Variants in CHD7 observed in about 807,000 individuals in gnomAD.
CHD7 encodes the protein chromodomain helicase DNA binding protein 7.
A neutral mutation model predicts 307.3 loss-of-function variants in CHD7; 24 were observed. That is an observed-to-expected ratio of 0.08 (90% CI 0.06 to 0.11). CHD7 has a LOEUF of 0.11. CHD7 is among the 10% of genes least tolerant of loss of function. The pLI is 1.00. For synonymous variants in CHD7, 1,363 were observed against 1,349.9 expected (o/e 1.01, Z -0.21); for missense variants, 3,106 against 3,727.1 (o/e 0.83, Z 4.34).
intron 1 of CHD7, among the ~76,000 whole-genome samples, chr8:60,701,434 A>G (rs539590362): frequency 6.6e-6 from 1 of 152,304 alleles, no homozygotes; most frequent in South Asian, 2.1e-4. Flanking sequence ...TTTTCTAGCT[A>G]GTTATACTTG....
At chr8:60,830,896 A>G (rs1209113310) in intron 15 of CHD7, among the ~76,000 whole-genome samples, 1 of 152,174 alleles carries the variant, frequency 6.6e-6, no homozygotes, top group Non-Finnish European at 1.5e-5. Flanking sequence ...TGAGCCCCTA[A>G]TGGAGGTTTT....
chr8:60,801,751 G>A (rs1812327312), intron 6 of CHD7, among the ~76,000 whole-genome samples, 158 bp downstream of exon 6: 2 of 151,928 alleles, frequency 1.3e-5, no homozygotes, highest in South Asian at 2.1e-4. Flanking sequence ...TGAATCTTTG[G>A]GATATTTGAC....
At chr8:60,720,506 A>G (rs1011239256) in intron 1 of CHD7, among the ~76,000 whole-genome samples, 1 of 152,202 alleles carries the variant, frequency 6.6e-6, no homozygotes, top group Admixed American at 6.5e-5. Flanking sequence ...GAAGTCAAGT[A>G]TCATTCCATG....
intron 2 of CHD7, among the ~76,000 whole-genome samples, chr8:60,771,088 G>C (rs779353229): frequency 6.6e-6 from 1 of 152,156 alleles, no homozygotes; most frequent in African/African-American, 2.4e-5. Flanking sequence ...AACAGTGCTG[G>C]GCACAGAGGT....
At chr8:60,790,888 T>C (rs1032381168) in intron 3 of CHD7, among the ~76,000 whole-genome samples, 1 of 152,174 alleles carries the variant, frequency 6.6e-6, no homozygotes, top group Non-Finnish European at 1.5e-5. Flanking sequence ...TCATGTCTGA[T>C]CTAGACCATG....
rs184628567 is a variant in CHD7 at position 60,746,006 on chromosome 8, C to T, written c.1665+2909C>T. On this transcript the variant is annotated intron_variant, in intron 2 of 37. Coordinates refer to ENST00000423902, the MANE Select transcript of CHD7 (RefSeq NM_017780.4). ...ACCTTGCTACATAATTATGTCATTT[C>T]CCATGTAGATACAATGTAAAATTAA... 1.7e-3 allele frequency among the ~76,000 whole-genome samples: 257 copies of T among 152,232 alleles called. 1 individual carries two copies. The highest frequency in any genetic ancestry group is 3.4e-3 in the Middle Eastern group (1 of 294).
intron 7 of CHD7, among the ~76,000 whole-genome samples, chr8:60,813,178 T>C (rs1812891407): frequency 6.6e-6 from 1 of 152,214 alleles, no homozygotes; most frequent in Admixed American, 6.5e-5. Context: ...AAAGAGGTTT[T>C]CTCTAACATA....
chr8:60,838,307 C>A, intron 19 of CHD7, 52 bp downstream of exon 19: 1 of 1,503,174 alleles, frequency 6.7e-7, no homozygotes, highest in Non-Finnish European at 9.1e-7. Context: ...TGACAGAGTT[C>A]ATGTGAAAAG....
chr8:60,714,322 A>G (rs1807452059), intron 1 of CHD7, among the ~76,000 whole-genome samples: 1 of 143,796 alleles, frequency 7.0e-6, no homozygotes, highest in African/African-American at 2.6e-5. Flanking sequence ...TGCCCGCCTC[A>G]GTGGCTCGGG....
At chr8:60,751,064 G>A (rs1809618584) in intron 2 of CHD7, among the ~76,000 whole-genome samples, 1 of 152,190 alleles carries the variant, frequency 6.6e-6, no homozygotes, top group African/African-American at 2.4e-5. Flanking sequence ...TTCAAAGAAG[G>A]CTACATAAAT....
At chr8:60,714,077 A>C (rs1344268640) in intron 1 of CHD7, among the ~76,000 whole-genome samples, 1 of 149,052 alleles carries the variant, frequency 6.7e-6, no homozygotes, top group Non-Finnish European at 1.5e-5. Flanking sequence ...GCTGGGGCAG[A>C]GCCAGGCCTC....
intron 1 of CHD7, among the ~76,000 whole-genome samples, chr8:60,708,321 C>T (rs1807113858): frequency 6.6e-6 from 1 of 152,178 alleles, no homozygotes; most frequent in Non-Finnish European, 1.5e-5. Flanking sequence ...ACTTTCTCTC[C>T]TGTTGCAATC....
Position 60,742,402 on chromosome 8 carries a change from A to C in CHD7, c.970A>C (p.Asn324His). 6.2e-7 allele frequency: 1 copy of C among 1,614,016 alleles called. No individual in the cohort carries two copies. Among genetic ancestry groups the C allele is most frequent in the Non-Finnish European group, 8.5e-7 (1 of 1,179,854 alleles). ...CAGTAACCTAAATCAGGGATTAGTT[A>C]ACAATACAGGGATGAATCAAAATTT... is the stretch of plus-strand genomic sequence containing the variant. Reference protein sequence around the residue: ...PYSNLNQGLVNNTGMNQNLGL... With the variant: ...PYSNLNQGLVHNTGMNQNLGL... Residue 324 changes from asparagine to histidine, a missense_variant, in exon 2 of 38, where the codon AAC (asparagine) becomes CAC (histidine). Physicochemically the swap from Asn to His is moderately conservative, Grantham distance 68. Around this residue, in one of 10 missense-constraint regions of CHD7, gnomAD observed 998 missense variants for 1,004.5 expected, o/e 0.99. Transcript: ENST00000423902.
chr8:60,835,584 T>C lies in CHD7; in HGVS notation c.3779-489T>C, dbSNP rs375529364. Among the ~76,000 whole-genome samples the C allele has an allele frequency of 7.9e-5, 12 of 152,358 alleles. No individual in the cohort carries two copies. The South Asian group carries it at 2.5e-3, about 32-fold the overall frequency. On this transcript the variant is annotated intron_variant, in intron 15 of 37. Transcript: ENST00000423902. ...TGTAGTTCCTTTGCCTATATTAATA[T>C]GCAATTATAGACCCAAACTACTATT...
At chr8:60,761,046 T>C (rs1810170925) in intron 2 of CHD7, among the ~76,000 whole-genome samples, 1 of 152,134 alleles carries the variant, frequency 6.6e-6, no homozygotes, top group Admixed American at 6.5e-5. Flanking sequence ...TGCACACGTA[T>C]GTTTACTGCG....
At chr8:60,826,524 T>G (rs1207879056) in intron 13 of CHD7, among the ~76,000 whole-genome samples, 3 of 152,236 alleles carry the variant, frequency 2.0e-5, no homozygotes, top group Non-Finnish European at 4.4e-5. Context: ...TATATCCAAC[T>G]ACGGCACAGG....
intron 1 of CHD7, among the ~76,000 whole-genome samples, chr8:60,726,072 T>G (rs952026588): frequency 6.6e-6 from 1 of 152,250 alleles, no homozygotes; most frequent in Non-Finnish European, 1.5e-5. Flanking sequence ...AGTTTCCTGG[T>G]AAATATCCCA....
At chr8:60,851,892 T>G (rs1805470264) in intron 28 of CHD7, 127 bp from the exon 29 acceptor site, 2 of 595,612 alleles carry the variant, frequency 3.4e-6, no homozygotes, top group Non-Finnish European at 5.9e-6. Context: ...ATTTTAAAAA[T>G]GAGGGCACTG....
intron 34 of CHD7, among the ~76,000 whole-genome samples, chr8:60,858,661 A>G (rs765724837): frequency 9.9e-5 from 15 of 152,178 alleles, no homozygotes; most frequent in Non-Finnish European, 1.9e-4. Context: ...AGGCTGGAGC[A>G]CAATGGCGCA....
Sources: allele counts gnomAD v4.1 joint callset (sites outside exome capture counted in the v4.1 genomes callset), GRCh38; gene constraint gnomAD v4.1.1; regional missense constraint gnomAD v4.1.1; transcripts MANE v1.5; gene names NCBI Gene and HGNC (gene_info 2026-07-23, HGNC 2026-07-21).